The following ATP8A2 variants were observed in gnomAD, a reference collection of about 807,000 sequenced individuals.
ATP8A2 encodes ATPase phospholipid transporting 8A2, also known as phospholipid-transporting ATPase IB.
In ATP8A2, 100 loss-of-function variants were observed where a neutral mutation model predicts 165.6. That is an observed-to-expected ratio of 0.60 (90% CI 0.51 to 0.71). ATP8A2 has a LOEUF of 0.71. Ranked by LOEUF, ATP8A2 falls within the 30% of genes least tolerant of loss-of-function variation. The probability of loss-of-function intolerance (pLI) is 0.00; values close to 1 mark genes in which losing one functional copy is unlikely to be tolerated. For missense variants in ATP8A2, 1,227 were observed against 1,479.5 expected (o/e 0.83, Z 2.80); for synonymous variants, 543 against 548.8 (o/e 0.99, Z 0.15).
chr13:25,718,639 A>G (rs572751519), intron 25 of ATP8A2, among the ~76,000 whole-genome samples: 33 of 152,356 alleles, frequency 2.2e-4, no homozygotes, highest in African/African-American at 7.5e-4. Flanking sequence ...GCCAGCTCCA[A>G]TCTAGGAAAC....
intron 34 of ATP8A2, among the ~76,000 whole-genome samples, chr13:25,965,739 G>T (rs992293586): frequency 6.6e-6 from 1 of 152,066 alleles, no homozygotes. Flanking sequence ...GAACCCATTT[G>T]CTTTTATCTA....
At chr13:25,931,884 CT>C (rs1954777475) in intron 33 of ATP8A2, among the ~76,000 whole-genome samples, 1 of 151,812 alleles carries the variant, frequency 6.6e-6, no homozygotes, top group Non-Finnish European at 1.5e-5. Flanking sequence ...CCCGTCTCTA[CT>C]AAAAATACAA....
chr13:25,870,312 A>T (rs552416243), intron 33 of ATP8A2, among the ~76,000 whole-genome samples: 2 of 152,186 alleles, frequency 1.3e-5, no homozygotes, highest in East Asian at 3.9e-4. Flanking sequence ...GGGGCGTGGC[A>T]GGTCAGGGTG....
intron 27 of ATP8A2, among the ~76,000 whole-genome samples, chr13:25,811,009 T>C (rs1379575350): frequency 3.3e-5 from 5 of 152,128 alleles, no homozygotes; most frequent in Admixed American, 6.6e-5. Flanking sequence ...TATGGTATCT[T>C]AAGGGATGAA....
intron 25 of ATP8A2, among the ~76,000 whole-genome samples, chr13:25,754,837 G>C (rs1257764914): frequency 3.3e-5 from 5 of 152,122 alleles, no homozygotes; most frequent in African/African-American, 1.2e-4. Context: ...GGAGTGGATG[G>C]TTGTGGTTTT....
chr13:25,518,779 A>G (rs772303739), intron 2 of ATP8A2, among the ~76,000 whole-genome samples: 49 of 152,200 alleles, frequency 3.2e-4, no homozygotes, highest in Non-Finnish European at 6.3e-4. Flanking sequence ...ATATTTTGCC[A>G]GACCCTATTT....
At chr13:25,400,255 A>G (rs867636018) in intron 1 of ATP8A2, among the ~76,000 whole-genome samples, 1 of 152,206 alleles carries the variant, frequency 6.6e-6, no homozygotes, top group Non-Finnish European at 1.5e-5. Context: ...ACAGCATTCC[A>G]CATAAATGAC....
chr13:25,551,282 C>G, intron 10 of ATP8A2, 56 bp from the exon 11 acceptor site: 1 of 1,527,234 alleles, frequency 6.5e-7, no homozygotes, highest in South Asian at 1.2e-5. Flanking sequence ...TTTCCCCCAA[C>G]CCCTTGCCCC....
At chr13:25,531,180 T>TG (rs61643327) in intron 4 of ATP8A2, among the ~76,000 whole-genome samples, 44 of 145,074 alleles carry the variant, frequency 3.0e-4, no homozygotes, top group Admixed American at 4.3e-4. Context: ...ATATGATATA[T>TG]ATATGTTATA....
At chr13:25,729,307 C>T (rs1195423486) in intron 25 of ATP8A2, among the ~76,000 whole-genome samples, 11 of 152,310 alleles carry the variant, frequency 7.2e-5, no homozygotes, top group Admixed American at 3.3e-4. Flanking sequence ...TGTATCTCAG[C>T]CTCCCTGTCC....
intron 33 of ATP8A2, among the ~76,000 whole-genome samples, chr13:25,871,515 G>A (rs868052217): frequency 1.3e-5 from 2 of 152,206 alleles, no homozygotes; most frequent in Non-Finnish European, 2.9e-5. Context: ...AAGAAAACAT[G>A]ACCACGGTAG....
At chr13:25,583,071 C>T (rs551487114) in intron 23 of ATP8A2, among the ~76,000 whole-genome samples, 1 of 152,148 alleles carries the variant, frequency 6.6e-6, no homozygotes, top group Admixed American at 6.5e-5. Context: ...TTTTGGAGAA[C>T]AGTATGATGG....
intron 33 of ATP8A2, among the ~76,000 whole-genome samples, chr13:25,895,782 AT>A (rs1276665665): frequency 6.6e-6 from 1 of 152,166 alleles, no homozygotes; most frequent in Non-Finnish European, 1.5e-5. Context: ...GTATCGAGGA[AT>A]TTATCCATTT....
chr13:25,502,287 A>T (rs1215433963), intron 2 of ATP8A2, among the ~76,000 whole-genome samples: 2 of 152,218 alleles, frequency 1.3e-5, no homozygotes, highest in Non-Finnish European at 2.9e-5. Flanking sequence ...ACTGGCAATG[A>T]AAAAGGAGAA....
chr13:25,773,716 G>A (rs1268177224), intron 26 of ATP8A2, among the ~76,000 whole-genome samples: 5 of 152,086 alleles, frequency 3.3e-5, no homozygotes, highest in Admixed American at 1.3e-4. Context: ...GTATATCTAT[G>A]TGTACATGTG....
At chr13:25,513,532 G>A (rs1593436686) in intron 2 of ATP8A2, among the ~76,000 whole-genome samples, 3 of 152,042 alleles carry the variant, frequency 2.0e-5, no homozygotes, top group Admixed American at 6.5e-5. Flanking sequence ...CAGGAGAGAC[G>A]CTCCTCACTT....
chr13:25,766,267 T>C (rs2044488627), intron 25 of ATP8A2, among the ~76,000 whole-genome samples: 1 of 152,202 alleles, frequency 6.6e-6, no homozygotes. Context: ...GCACAGCCCT[T>C]AGACCAAAAG....
intron 35 of ATP8A2, among the ~76,000 whole-genome samples, chr13:25,997,495 C>T (rs1956535731): frequency 6.6e-6 from 1 of 152,148 alleles, no homozygotes; most frequent in Admixed American, 6.5e-5. Flanking sequence ...CATTTTCAGC[C>T]ACTATTTCTG....
In ATP8A2 at chr13:25,372,110, G is replaced by C. The variant is rs1318268436; in HGVS notation, c.-103G>C. The C allele has an allele frequency of 1.0e-5, 8 of 787,340 alleles. No individual in the cohort carries two copies. Among genetic ancestry groups the C allele is most frequent in the African/African-American group, 1.8e-5 (1 of 54,510 alleles). 48.8% of individuals were successfully genotyped at this position (787,340 alleles called of 1,614,324 possible). ...TCCCCGCCAGCTAGCAGCCCGGCGA[G>C]GCGCTGGCCCACCCATGGTCCTCGG... On this transcript the variant is annotated 5_prime_UTR_variant, in exon 1 of 37. Coordinates refer to ENST00000381655, the MANE Select transcript of ATP8A2 (RefSeq NM_016529.6). This position sits in a 1 kb window ranked among gnomAD's most constrained non-coding sequence, Gnocchi z 4.8.
Sources: gnomAD v4.1 joint callset for allele counts (sites outside exome capture counted in the v4.1 genomes callset) on GRCh38, gnomAD v4.1.1 for gene constraint, Gnocchi (gnomAD v3.1) non-coding constraint, MANE v1.5 for transcripts, NCBI Gene and HGNC (gene_info 2026-07-23, HGNC 2026-07-21) for gene names.